The following THADA variants were observed in gnomAD, a reference collection of about 807,000 sequenced individuals.
THADA encodes tRNA (32-2'-O)-methyltransferase regulator THADA.
THADA carries 213 observed loss-of-function variants against 219.8 expected under a neutral mutation model. That is an observed-to-expected ratio of 0.97 (90% CI 0.87 to 1.09). The LOEUF (loss-of-function observed/expected upper bound fraction) is 1.09, where lower values mean the gene tolerates loss of function less well. THADA is among the 50% of genes least tolerant of loss of function. The pLI is 0.00. For synonymous variants in THADA, 1,018 were observed against 828.9 expected (o/e 1.23, Z -3.92); for missense variants, 2,956 against 2,311.3 (o/e 1.28, Z -5.72).
chr2:43,282,895 G>C (rs930618014), intron 35 of THADA, among the ~76,000 whole-genome samples: 3 of 152,204 alleles, frequency 2.0e-5, no homozygotes, highest in African/African-American at 7.2e-5. Flanking sequence ...CTGGAAACCA[G>C]ATAAGATCTG....
chr2:43,512,754 G>A (rs1690659168), intron 22 of THADA, among the ~76,000 whole-genome samples: 5 of 152,134 alleles, frequency 3.3e-5, no homozygotes, highest in South Asian at 2.1e-4. Flanking sequence ...CGCCTGCCTC[G>A]GCCTCCCAAA....
chr2:43,354,581 G>A (rs1291672923), intron 29 of THADA, among the ~76,000 whole-genome samples: 3 of 151,582 alleles, frequency 2.0e-5, no homozygotes, highest in African/African-American at 7.3e-5. Context: ...TTTAATTTTT[G>A]GCTCCTACAA....
At position 43,518,845 on chromosome 2, in the gene THADA, G is replaced by C. The variant is rs1692054826; in HGVS notation, c.3374+9034C>G. 2.6e-5 allele frequency among the ~76,000 whole-genome samples: 4 copies of C among 152,082 alleles called. No individual in the cohort carries two copies. In the South Asian group the frequency reaches 8.3e-4, roughly 31 times the overall value. ...TTGCCTGGGACTAAAGGATTTCCCA[G>C]AATGCTGGACATTTACTGCTAAAAT... On this transcript the variant is annotated intron_variant, in intron 22 of 37. Coordinates refer to ENST00000405975, the MANE Select transcript of THADA (RefSeq NM_022065.5).
intron 7 of THADA, among the ~76,000 whole-genome samples, chr2:43,584,161 G>A (rs1304432352): frequency 6.6e-6 from 1 of 151,470 alleles, no homozygotes; most frequent in Non-Finnish European, 1.5e-5. Context: ...AAGTAGAATA[G>A]AGGTTACCTG....
At chr2:43,463,158 CTTT>C (rs1411264567) in intron 26 of THADA, 1 of 152,192 alleles carries the variant, frequency 6.6e-6, no homozygotes, top group Non-Finnish European at 1.5e-5. Flanking sequence ...TTCTCTCTCT[CTTT>C]TTTAGAGCTG....
In THADA at chr2:43,466,541, G is replaced by C. The variant is rs1439387338; in HGVS notation, c.3836+18693C>G. ...GTATGTCTACTCTACTTGATTCTGA[G>C]ATCTTTGTGGGCAAAGACTTTGACT... On this transcript the variant is annotated intron_variant, in intron 26 of 37. Transcript: ENST00000405975. 2.6e-5 allele frequency among the ~76,000 whole-genome samples: 4 copies of C among 152,078 alleles called. No individual in the cohort carries two copies. The East Asian group carries it at 7.7e-4, about 29-fold the overall frequency.
intron 17 of THADA, among the ~76,000 whole-genome samples, chr2:43,555,928 G>A (rs1019167500): frequency 1.7e-4 from 26 of 152,204 alleles, no homozygotes; most frequent in Non-Finnish European, 2.9e-4. Context: ...TTTGGAACTG[G>A]CTATTTGGGA....
In THADA at chr2:43,452,827, T is replaced by A. The variant is rs112163621; in HGVS notation, c.3837-22525A>T. On this transcript the variant is annotated intron_variant, in intron 26 of 37. Coordinates refer to ENST00000405975, the MANE Select transcript of THADA (RefSeq NM_022065.5). ...TTTTTGGAGATCACTGGACCACAGA[T>A]AATTCCATTGGGTCCAATAAGTCTC... is the stretch of plus-strand genomic sequence containing the variant. Among the ~76,000 whole-genome samples the A allele has an allele frequency of 6.0e-3, 921 of 152,316 alleles. 3 individuals are homozygous for A. Among genetic ancestry groups the A allele is most frequent in the African/African-American group, 0.019 (802 of 41,564 alleles).
intron 26 of THADA, among the ~76,000 whole-genome samples, chr2:43,459,293 T>C (rs180821381): frequency 2.4e-4 from 36 of 152,250 alleles, no homozygotes; most frequent in Non-Finnish European, 4.6e-4. Flanking sequence ...ACATCCTTCC[T>C]CTCACCCATT....
At chr2:43,552,121 T>C in intron 18 of THADA, 83 bp downstream of exon 18, 3 of 1,537,344 alleles carry the variant, frequency 2.0e-6, no homozygotes, top group South Asian at 1.3e-5. Context: ...CTGCATTCCT[T>C]TCCCAGGACA....
At chr2:43,285,829 A>T (rs1673933470) in intron 35 of THADA, among the ~76,000 whole-genome samples, 1 of 152,062 alleles carries the variant, frequency 6.6e-6, no homozygotes, top group Non-Finnish European at 1.5e-5. Context: ...GGGATTACAG[A>T]CGTGAGCCAC....
At chr2:43,466,037 A>AAT (rs980480174) in intron 26 of THADA, among the ~76,000 whole-genome samples, 1 of 152,096 alleles carries the variant, frequency 6.6e-6, no homozygotes, top group African/African-American at 2.4e-5. Context: ...CTACTGTCTT[A>AAT]ATATCTCTAA....
At position 43,430,217 on chromosome 2, in the gene THADA, C is replaced by T; in HGVS notation, c.3922G>A (p.Asp1308Asn). Residue 1308 changes from aspartate (D) to asparagine (N), a missense_variant, in exon 27 of 38, where the codon GAC becomes AAC. Asp to Asn is a conservative substitution (Grantham distance 23). Coordinates refer to ENST00000405975, the MANE Select transcript of THADA (RefSeq NM_022065.5). ...KQLETVANTV[D>N]SDMGEPNRHP... ...CCCACCCAATTCTCTTCTTACCTGT[C>T]TACTGTATTGGCTACAGTTTCCAAC... The T allele has an allele frequency of 6.6e-7, 1 of 1,521,622 alleles. No individual in the cohort carries two copies. The highest frequency in any genetic ancestry group is 8.8e-7 in the Non-Finnish European group (1 of 1,130,318). 94.3% of individuals were successfully genotyped at this position (1,521,622 alleles called of 1,614,324 possible).
intron 26 of THADA, among the ~76,000 whole-genome samples, chr2:43,434,820 G>A (rs552978468): frequency 1.1e-3 from 167 of 152,318 alleles, no homozygotes; most frequent in African/African-American, 3.8e-3. Flanking sequence ...AAAGCCCTCT[G>A]TCCTTGCAAC....
intron 35 of THADA, among the ~76,000 whole-genome samples, chr2:43,282,824 T>C (rs1010559524): frequency 1.3e-4 from 20 of 152,236 alleles, no homozygotes; most frequent in Non-Finnish European, 1.5e-5. Flanking sequence ...CATGCTGCCC[T>C]TTCCTATTAC....
intron 30 of THADA, among the ~76,000 whole-genome samples, chr2:43,330,575 T>G (rs1679850698): frequency 6.6e-6 from 1 of 152,198 alleles, no homozygotes; most frequent in Non-Finnish European, 1.5e-5. Context: ...AGTTACGGAC[T>G]TCAGTTAAAG....
intron 21 of THADA, among the ~76,000 whole-genome samples, chr2:43,534,090 G>C (rs1694242793): frequency 6.6e-6 from 1 of 152,018 alleles, no homozygotes; most frequent in South Asian, 2.1e-4. Context: ...TTTTTATAAA[G>C]ATGGATTTAC....
At chr2:43,525,783 A>G (rs1193645383) in intron 22 of THADA, among the ~76,000 whole-genome samples, 1 of 152,184 alleles carries the variant, frequency 6.6e-6, no homozygotes, top group Non-Finnish European at 1.5e-5. Context: ...CTTTCCTTCT[A>G]AGCATACATC....
intron 31 of THADA, among the ~76,000 whole-genome samples, chr2:43,299,087 C>G (rs572021972): frequency 3.3e-5 from 5 of 151,874 alleles, no homozygotes; most frequent in Non-Finnish European, 7.4e-5. Flanking sequence ...GATCACCTTC[C>G]GGTTATGTGT....
Sources: gnomAD v4.1 joint callset for allele counts (sites outside exome capture counted in the v4.1 genomes callset) on GRCh38, gnomAD v4.1.1 for gene constraint, MANE v1.5 for transcripts, NCBI Gene and HGNC (gene_info 2026-07-23, HGNC 2026-07-21) for gene names.